The following SMOC2 variants were observed in gnomAD, a reference collection of about 807,000 sequenced individuals.
SMOC2 encodes SPARC related modular calcium binding 2.
In SMOC2, 39 loss-of-function variants were observed where a neutral mutation model predicts 61.4. That is an observed-to-expected ratio of 0.64 (90% CI 0.49 to 0.83). The LOEUF (loss-of-function observed/expected upper bound fraction) is 0.83. SMOC2 is among the 40% of genes least tolerant of loss of function. The pLI is 0.00. For synonymous variants in SMOC2, 247 were observed against 239.9 expected (o/e 1.03, Z -0.27); for missense variants, 556 against 592.9 (o/e 0.94, Z 0.65).
intron 8 of SMOC2, among the ~76,000 whole-genome samples, chr6:168,606,985 G>A (rs1380288449): frequency 6.6e-6 from 1 of 152,142 alleles, no homozygotes; most frequent in African/African-American, 2.4e-5. Flanking sequence ...CAGCTGAGTG[G>A]AGGGGAAGCG....
intron 7 of SMOC2, among the ~76,000 whole-genome samples, chr6:168,562,449 C>A (rs187198527): frequency 7.6e-6 from 1 of 131,812 alleles, no homozygotes; most frequent in East Asian, 2.2e-4. Context: ...ACTGTGTTCT[C>A]GGAGGAGGTG....
intron 1 of SMOC2, among the ~76,000 whole-genome samples, chr6:168,447,055 C>A (rs2114989668): frequency 6.6e-6 from 1 of 152,212 alleles, no homozygotes; most frequent in South Asian, 2.1e-4. Flanking sequence ...CGGTCTTCTT[C>A]CCCGTGGTCA....
At position 168,650,727 on chromosome 6, in the gene SMOC2, C is replaced by T. The variant is rs140169041; in HGVS notation, c.954C>T (p.Asp318=). 7.3e-5 allele frequency: 118 copies of T among 1,613,712 alleles called. 1 individual carries two copies. The South Asian group carries it at 7.9e-4, about 11-fold the overall frequency. The change falls in exon 10 of 13, where the codon GAC becomes GAT. Residue 318 remains aspartate, a synonymous_variant. Coordinates refer to ENST00000356284, the MANE Select transcript of SMOC2 (RefSeq NM_001166412.2). Reference sequence around the variant, plus strand: ...ATGAGTTTCTGACCAGCGTTCTGGACGCGCTGTCCACGGACATGGTCCACG... The same window carrying T: ...ATGAGTTTCTGACCAGCGTTCTGGATGCGCTGTCCACGGACATGGTCCACG... ...KKHEFLTSVL[D]ALSTDMVHAA...
At chr6:168,481,749 C>T (rs1782211778) in intron 1 of SMOC2, among the ~76,000 whole-genome samples, 1 of 151,894 alleles carries the variant, frequency 6.6e-6, no homozygotes, top group African/African-American at 2.4e-5. Flanking sequence ...AAAAGTTTAA[C>T]TATATGATGT....
At position 168,451,587 on chromosome 6, in the gene SMOC2, CTCTCTG is replaced by C. The variant is rs1202531864; in HGVS notation, c.84+10145_84+10150del. ...GGCAGCTCGCGCTCTCTCTCTGTCT[CTCTCTG>C]TCTCTGTCTCTCTCTCTCTCTCTCT... is the stretch of plus-strand genomic sequence containing the variant. On this transcript the variant is annotated intron_variant, in intron 1 of 12. Transcript: ENST00000356284. Among the ~76,000 whole-genome samples, 339 of 133,482 alleles carry C rather than the reference CTCTCTG, an allele frequency of 2.5e-3. 1 individual carries two copies. Among genetic ancestry groups the C allele is most frequent in the African/African-American group, 9.9e-3 (326 of 32,878 alleles). 87.6% of individuals were successfully genotyped at this position (133,482 alleles called of 152,430 possible).
At chr6:168,656,526 A>AAG (rs1554255379) in intron 11 of SMOC2, among the ~76,000 whole-genome samples, 50 of 120,032 alleles carry the variant, frequency 4.2e-4, no homozygotes, top group African/African-American at 1.1e-3. Context: ...AAAAAAAAAA[A>AAG]AAAAGAAAAG....
intron 7 of SMOC2, among the ~76,000 whole-genome samples, chr6:168,579,701 C>T (rs1369803705): frequency 6.6e-6 from 1 of 152,058 alleles, no homozygotes; most frequent in Non-Finnish European, 1.5e-5. Context: ...GGGGGCATCA[C>T]GCGGAGATAC....
chr6:168,574,472 G>T (rs927713694), intron 7 of SMOC2, among the ~76,000 whole-genome samples: 2 of 152,162 alleles, frequency 1.3e-5, no homozygotes, highest in East Asian at 3.9e-4. Context: ...GAACCTTCCC[G>T]CCGGGCCTTG....
chr6:168,536,283 C>T (rs1181561834), intron 4 of SMOC2, among the ~76,000 whole-genome samples: 1 of 152,176 alleles, frequency 6.6e-6, no homozygotes, highest in Non-Finnish European at 1.5e-5. Context: ...GAGCCTGTGG[C>T]TGCCAGGGCC....
intron 9 of SMOC2, among the ~76,000 whole-genome samples, chr6:168,645,353 T>G (rs1461923153): frequency 6.6e-6 from 1 of 152,154 alleles, no homozygotes; most frequent in Non-Finnish European, 1.5e-5. Context: ...GATACATTCT[T>G]AAAATGGGGA....
intron 7 of SMOC2, among the ~76,000 whole-genome samples, chr6:168,568,096 G>C (rs1784584157): frequency 6.6e-6 from 1 of 150,806 alleles, no homozygotes; most frequent in African/African-American, 2.5e-5. Flanking sequence ...TTAGAATTTA[G>C]TGCATCTTCT....
intron 7 of SMOC2, among the ~76,000 whole-genome samples, chr6:168,567,880 C>T (rs927685001): frequency 2.7e-5 from 4 of 150,244 alleles, no homozygotes; most frequent in East Asian, 1.9e-4. Context: ...AGTGCGTCTT[C>T]GCTTCAGATG....
At chr6:168,491,378 G>A (rs1397567240) in intron 1 of SMOC2, among the ~76,000 whole-genome samples, 1 of 152,210 alleles carries the variant, frequency 6.6e-6, no homozygotes, top group African/African-American at 2.4e-5. Flanking sequence ...ATCATGGGAT[G>A]AGAGTCAAGA....
intron 4 of SMOC2, among the ~76,000 whole-genome samples, chr6:168,529,688 G>T (rs142851686): frequency 9.5e-4 from 144 of 152,304 alleles, no homozygotes; most frequent in African/African-American, 3.4e-3. Flanking sequence ...AATTATGGAG[G>T]CGAGAGGTGT....
At chr6:168,612,167 G>A (rs896414723) in intron 9 of SMOC2, among the ~76,000 whole-genome samples, 1 of 152,136 alleles carries the variant, frequency 6.6e-6, no homozygotes, top group Admixed American at 6.5e-5. Flanking sequence ...TGGGGAGAGG[G>A]TGACCCCAGC....
At chr6:168,560,261 A>G (rs1389397268) in intron 7 of SMOC2, among the ~76,000 whole-genome samples, 1 of 152,236 alleles carries the variant, frequency 6.6e-6, no homozygotes, top group Non-Finnish European at 1.5e-5. Flanking sequence ...AACTAATGCC[A>G]GAATACGTCA....
chr6:168,646,605 C>G (rs1787038486), intron 9 of SMOC2, among the ~76,000 whole-genome samples: 2 of 152,198 alleles, frequency 1.3e-5, no homozygotes, highest in African/African-American at 4.8e-5. Flanking sequence ...AGAACACATT[C>G]ATTTTAAACG....
intron 9 of SMOC2, among the ~76,000 whole-genome samples, chr6:168,642,541 G>A (rs1204861695): frequency 6.9e-6 from 1 of 145,578 alleles, no homozygotes; most frequent in African/African-American, 2.4e-5. Context: ...ACTGCGTGGT[G>A]GTTAAAGCGC....
At position 168,558,863 on chromosome 6, in the gene SMOC2, GTGTGTGCA is replaced by G. The variant is rs961022674; in HGVS notation, c.637+9667_637+9674del. Reference sequence around the variant, plus strand: ...CGTGTGTATGTGCGCGTGTGCGCATGTGTGTGCATGTGTGTGCGTGTGTGCGTGTGCAT... The same window carrying G: ...CGTGTGTATGTGCGCGTGTGCGCATGTGTGTGTGCGTGTGTGCGTGTGCAT... On this transcript the variant is annotated intron_variant, in intron 7 of 12. Transcript: ENST00000356284. Among the ~76,000 whole-genome samples the G allele has an allele frequency of 6.8e-3, 734 of 108,174 alleles. 7 individuals are homozygous for G. Among genetic ancestry groups the G allele is most frequent in the African/African-American group, 0.042 (685 of 16,228 alleles). 71.0% of individuals were successfully genotyped at this position (108,174 alleles called of 152,430 possible).
Sources: gnomAD v4.1 joint callset for allele counts (sites outside exome capture counted in the v4.1 genomes callset) on GRCh38, gnomAD v4.1.1 for gene constraint, MANE v1.5 for transcripts, NCBI Gene and HGNC (gene_info 2026-07-23, HGNC 2026-07-21) for gene names.